Variants in ERCC1 observed in about 807,000 individuals in gnomAD.
The protein encoded by ERCC1 is ERCC excision repair 1, endonuclease non-catalytic subunit, also known as DNA excision repair protein ERCC-1.
In ERCC1, 36 loss-of-function variants were observed where a neutral mutation model predicts 37.6. That is an observed-to-expected ratio of 0.96 (90% CI 0.73 to 1.26). The LOEUF is 1.26. Among genes scored for constraint, ERCC1 ranks in the 50% most tolerant of loss-of-function variants. The pLI is 0.00. For synonymous variants in ERCC1, 156 were observed against 162.1 expected, an observed-to-expected ratio of 0.96 and a Z score of 0.28; for missense variants, 349 against 376.5, an observed-to-expected ratio of 0.93 and a Z score of 0.60.
At chr19:45,448,261 C>T (rs1967008986) in intron 1 of ERCC1, among the ~76,000 whole-genome samples, 2 of 152,170 alleles carry the variant, frequency 1.3e-5, no homozygotes, top group African/African-American at 4.8e-5. Flanking sequence ...GGGACCCCTG[C>T]CTGCTTGTAC....
At chr19:45,431,668 A>G (rs943367292) in intron 1 of ERCC1, among the ~76,000 whole-genome samples, 3 of 118,610 alleles carry the variant, frequency 2.5e-5, no homozygotes, top group Admixed American at 9.5e-5. Context: ...CAAGAGTGAA[A>G]CTCCATCTCA....
At chr19:45,417,336 G>A (rs1366789510) in intron 5 of ERCC1, among the ~76,000 whole-genome samples, 2 of 152,288 alleles carry the variant, frequency 1.3e-5, no homozygotes, top group East Asian at 3.9e-4. Context: ...GGCCAGGGCT[G>A]CGATGTGGGA....
intron 9 of ERCC1, 133 bp from the exon 10 acceptor site, chr19:45,409,858 C>A: frequency 1.7e-6 from 1 of 596,398 alleles, no homozygotes; most frequent in Admixed American, 2.9e-5. Context: ...TACAAACAAT[C>A]CAGTTACAAT....
upstream of ERCC1, among the ~76,000 whole-genome samples, chr19:45,427,269 T>C (rs954587357): frequency 3.3e-5 from 5 of 152,044 alleles, no homozygotes; most frequent in African/African-American, 1.2e-4. Flanking sequence ...TCACGCCTAG[T>C]AGGAAGGAAG....
upstream of ERCC1, among the ~76,000 whole-genome samples, chr19:45,424,922 CTTT>C (rs986137310): frequency 8.2e-6 from 1 of 121,890 alleles, no homozygotes. Flanking sequence ...TCTTTTTTTT[CTTT>C]TTTTTTTTTT....
In ERCC1 at chr19:45,408,747, A is replaced by C. The variant is rs1001385997; in HGVS notation, c.*928T>G. On this transcript the variant is annotated 3_prime_UTR_variant, in exon 10 of 10. Coordinates refer to ENST00000300853, the MANE Select transcript of ERCC1 (RefSeq NM_001983.4). Reference sequence around the variant, plus strand: ...AAGAGGAAGAAGCCCAAAGGGAAAGAAACCTTCGAGCCAGAAGACAAGACA... The same window carrying C: ...AAGAGGAAGAAGCCCAAAGGGAAAGCAACCTTCGAGCCAGAAGACAAGACA... The C allele has an allele frequency of 6.2e-7, 1 of 1,613,880 alleles. No homozygotes were observed. The highest frequency in any genetic ancestry group is 8.5e-7 in the Non-Finnish European group (1 of 1,179,992).
At position 45,413,988 on chromosome 19, in the gene ERCC1, C is replaced by T; in HGVS notation, c.749G>A (p.Ser250Asn). 3 of 1,613,862 alleles carry T rather than the reference C, an allele frequency of 1.9e-6. No homozygotes were observed. Among genetic ancestry groups the T allele is most frequent in the Non-Finnish European group, 2.5e-6 (3 of 1,179,978 alleles). ...TTVKSVNKTDSQTLLTTFGSL... is the reference protein window; with the variant it reads ...TTVKSVNKTDNQTLLTTFGSL... ...TCCAAATGTGGTCAGGAGGGTCTGACTGTCCGTTTTGTTGACTGACTTCAC... is the reference window on the plus strand; with the variant it reads ...TCCAAATGTGGTCAGGAGGGTCTGATTGTCCGTTTTGTTGACTGACTTCAC... Residue 250 changes from serine to asparagine, a missense_variant, in exon 8 of 10, where the codon AGT becomes AAT. Ser to Asn is a conservative substitution (Grantham distance 46). Coordinates refer to ENST00000300853, the MANE Select transcript of ERCC1 (RefSeq NM_001983.4).
chr19:45,446,190 G>T (rs932255978), intron 1 of ERCC1, among the ~76,000 whole-genome samples: 1 of 152,030 alleles, frequency 6.6e-6, no homozygotes, highest in Non-Finnish European at 1.5e-5. Context: ...GTGAGCCACC[G>T]CGCCTGGCTT....
At chr19:45,425,227 A>T (rs867671658), upstream of ERCC1, among the ~76,000 whole-genome samples, 1 of 151,406 alleles carries the variant, frequency 6.6e-6, no homozygotes, top group Middle Eastern at 3.4e-3. Context: ...GTGCACGGCT[A>T]TAATGATATA....
Position 45,408,378 on chromosome 19 carries a change from C to T in ERCC1, c.*1297G>A. 4 of 1,609,566 alleles carry T rather than the reference C, an allele frequency of 2.5e-6. No individual in the cohort carries two copies. Among genetic ancestry groups the T allele is most frequent in the East Asian group, 2.2e-5 (1 of 44,784 alleles). On this transcript the variant is annotated 3_prime_UTR_variant, in exon 10 of 10. Coordinates refer to ENST00000300853, the MANE Select transcript of ERCC1 (RefSeq NM_001983.4). ...CCTCTGCAGCCCATCCCAGCAAGTC[C>T]CCCACCACAGATCCCTCCTGGCCTG... is the stretch of plus-strand genomic sequence containing the variant.
intron 1 of ERCC1, among the ~76,000 whole-genome samples, chr19:45,445,342 T>C (rs1425466142): frequency 1.3e-5 from 2 of 152,176 alleles, no homozygotes; most frequent in Admixed American, 6.6e-5. Context: ...ATTGAGCATC[T>C]ACTATACGCC....
At chr19:45,423,442 A>T in intron 1 of ERCC1, 61 bp from the exon 2 acceptor site, 3 of 1,545,130 alleles carry the variant, frequency 1.9e-6, no homozygotes, top group Non-Finnish European at 2.6e-6. Flanking sequence ...ATCCCGCAGC[A>T]GGAACCCCCC....
intron 1 of ERCC1, among the ~76,000 whole-genome samples, chr19:45,445,699 A>C (rs568524672): frequency 6.6e-6 from 1 of 152,102 alleles, no homozygotes; most frequent in East Asian, 1.9e-4. Context: ...AGGAACACGG[A>C]GGCAGCTAGT....
upstream of ERCC1, among the ~76,000 whole-genome samples, chr19:45,424,618 A>G (rs1170482313): frequency 6.6e-6 from 1 of 152,126 alleles, no homozygotes; most frequent in African/African-American, 2.4e-5. Flanking sequence ...GGTCTTGTAA[A>G]TTTTGTCTTC....
chr19:45,440,243 C>A (rs1975085920), intron 1 of ERCC1, among the ~76,000 whole-genome samples: 1 of 151,836 alleles, frequency 6.6e-6, no homozygotes, highest in South Asian at 2.1e-4. Context: ...CTCCCCTACA[C>A]CCCCAGCGAT....
At chr19:45,444,267 C>T (rs987529845) in intron 1 of ERCC1, among the ~76,000 whole-genome samples, 4 of 144,120 alleles carry the variant, frequency 2.8e-5, no homozygotes, top group African/African-American at 2.6e-5. Flanking sequence ...CCCCATTTCC[C>T]CCCCTCCCCC....
chr19:45,407,365 A>C lies in ERCC1; in HGVS notation c.*2310T>G. The stretch of plus-strand genomic sequence containing the variant: ...GAAAGAAACAAGTTTATTGGAAACT[A>C]CTCCTTTACAGAGTAGAGTGTCCTC... On this transcript the variant is annotated 3_prime_UTR_variant, in exon 10 of 10. Transcript: ENST00000300853. The C allele has an allele frequency of 1.2e-6, 1 of 826,664 alleles. No homozygotes were observed. The allele number at this position is 826,664 out of a possible 1,614,324, so 51.2% of individuals were successfully genotyped here.
At chr19:45,445,949 C>T (rs996183662) in intron 1 of ERCC1, among the ~76,000 whole-genome samples, 2 of 152,088 alleles carry the variant, frequency 1.3e-5, no homozygotes, top group African/African-American at 2.4e-5. Flanking sequence ...AGTGCAATGG[C>T]GTGGTCTCGG....
At chr19:45,430,354 A>G (rs891401587) in intron 1 of ERCC1, among the ~76,000 whole-genome samples, 4 of 152,180 alleles carry the variant, frequency 2.6e-5, no homozygotes, top group African/African-American at 9.7e-5. Flanking sequence ...CCCTGCAGGG[A>G]TGTACTTTTA....
Sources: gnomAD v4.1 joint callset for allele counts (sites outside exome capture counted in the v4.1 genomes callset) on GRCh38, gnomAD v4.1.1 for gene constraint, MANE v1.5 for transcripts, NCBI Gene and HGNC (gene_info 2026-07-23, HGNC 2026-07-21) for gene names.